The following NCOA5 variants were observed in gnomAD, a reference collection of about 807,000 sequenced individuals.
The protein encoded by NCOA5 is NCoA-5.
In NCOA5, 12 loss-of-function variants were observed where a neutral mutation model predicts 59.0. The observed-to-expected ratio is 0.20, with a 90% confidence interval of 0.13 to 0.33. The LOEUF is 0.33. Ranked by LOEUF, NCOA5 falls within the 10% of genes least tolerant of loss-of-function variation. The pLI is 1.00. For missense variants in NCOA5, 655 were observed against 766.6 expected, an observed-to-expected ratio of 0.85 and a Z score of 1.72; for synonymous variants, 270 against 275.5, an observed-to-expected ratio of 0.98 and a Z score of 0.20.
At chr20:46,088,752 T>C (rs967874561) in intron 1 of NCOA5, among the ~76,000 whole-genome samples, 3 of 152,196 alleles carry the variant, frequency 2.0e-5, no homozygotes, top group East Asian at 1.9e-4. Context: ...ATTCATAGAA[T>C]CTGCTTTGCC....
intron 1 of NCOA5, among the ~76,000 whole-genome samples, chr20:46,085,273 C>T (rs1388658483): frequency 6.6e-6 from 1 of 152,096 alleles, no homozygotes; most frequent in African/African-American, 2.4e-5. Context: ...GTGATCCTCC[C>T]ACCTCAGCCC....
intron 3 of NCOA5, among the ~76,000 whole-genome samples, chr20:46,069,082 G>T (rs931559459): frequency 6.6e-6 from 1 of 151,948 alleles, no homozygotes; most frequent in Non-Finnish European, 1.5e-5. Flanking sequence ...AAAGTGCTGG[G>T]ATTACAGGCG....
chr20:46,067,382 C>T lies in NCOA5; in HGVS notation c.503-201G>A, dbSNP rs576538581. Among the ~76,000 whole-genome samples the T allele has an allele frequency of 3.5e-4, 54 of 152,258 alleles. No homozygotes were observed. The South Asian group carries it at 0.011, about 30-fold the overall frequency. ...AAAGGACGTGGCCATTTTAATGCTG[C>T]ATCTGATACTTACTGCCAAGCTGCT... On this transcript the variant is annotated intron_variant, in intron 4 of 7. Transcript: ENST00000290231.
intron 2 of NCOA5, among the ~76,000 whole-genome samples, chr20:46,072,680 G>A (rs2145536959): frequency 6.6e-6 from 1 of 152,240 alleles, no homozygotes; most frequent in Middle Eastern, 3.4e-3. Context: ...TGAGTAGCAG[G>A]AAGAGATCTA....
At chr20:46,063,063 T>C (rs1042233283) in intron 7 of NCOA5, among the ~76,000 whole-genome samples, 174 bp from the exon 8 acceptor site, 2 of 152,178 alleles carry the variant, frequency 1.3e-5, no homozygotes, top group South Asian at 2.1e-4. Context: ...CAGAAAACAA[T>C]AGGCTAGTTC....
intron 2 of NCOA5, among the ~76,000 whole-genome samples, chr20:46,076,831 G>T (rs536855959): frequency 2.9e-4 from 44 of 152,202 alleles, no homozygotes; most frequent in Middle Eastern, 3.4e-3. Context: ...ACCACCAAAT[G>T]ACCTCATTTT....
intron 6 of NCOA5, 84 bp from the exon 7 acceptor site, chr20:46,063,764 C>T: frequency 1.5e-6 from 2 of 1,318,224 alleles, no homozygotes; most frequent in Non-Finnish European, 2.1e-6. Flanking sequence ...TCTTTCCTAA[C>T]CTCATACCAG....
At position 46,070,376 on chromosome 20, in the gene NCOA5, T is replaced by C; in HGVS notation, c.199A>G (p.Arg67Gly). ...PRDLRDHRHS[R>G]DLRDHRDSRS... ...CTGTCTCTGTGATCCCGCAAATCTC[T>C]ACTATGTCTGTGGTCCCGCAAGTCT... The change falls in exon 3 of 8, where the codon AGA (arginine) becomes GGA (glycine). Residue 67 changes from arginine to glycine, a missense_variant. Transcript: ENST00000290231. 2 of 1,613,780 alleles carry C rather than the reference T, an allele frequency of 1.2e-6. No individual in the cohort carries two copies. Among genetic ancestry groups the C allele is most frequent in the Non-Finnish European group, 1.7e-6 (2 of 1,179,976 alleles).
chr20:46,066,057 G>A (rs1405038702), intron 5 of NCOA5, among the ~76,000 whole-genome samples: 1 of 152,164 alleles, frequency 6.6e-6, no homozygotes, highest in Non-Finnish European at 1.5e-5. Context: ...ACAGCCAAGA[G>A]CCTGTGAACT....
intron 2 of NCOA5, among the ~76,000 whole-genome samples, chr20:46,074,049 A>T (rs1284577639): frequency 6.6e-6 from 1 of 152,242 alleles, no homozygotes; most frequent in Non-Finnish European, 1.5e-5. Context: ...CAAAGAAGAT[A>T]ATAATTTTCT....
rs141834620 is a variant in NCOA5 at position 46,080,584 on chromosome 20, TAG to T, written c.-29-1133_-29-1132del. On this transcript the variant is annotated intron_variant, in intron 1 of 7. Transcript: ENST00000290231. ...AAGACCACAGCAATAACAAGAAACT[TAG>T]AGGTCTGGTAGAGATTTTATGCTGC... 4.6e-3 allele frequency among the ~76,000 whole-genome samples: 700 copies of T among 152,212 alleles called. 7 individuals are homozygous for T. Among genetic ancestry groups the T allele is most frequent in the African/African-American group, 0.016 (649 of 41,532 alleles).
intron 1 of NCOA5, among the ~76,000 whole-genome samples, chr20:46,085,324 G>A (rs1165111055): frequency 6.6e-6 from 1 of 152,106 alleles, no homozygotes; most frequent in Non-Finnish European, 1.5e-5. Context: ...ACCATGCCTG[G>A]CCTGGAGTTC....
At chr20:46,070,098 C>T (rs1313288386) in intron 3 of NCOA5, 112 bp downstream of exon 3, 1 of 817,408 alleles carries the variant, frequency 1.2e-6, no homozygotes, top group African/African-American at 1.7e-5. Context: ...TTGACAGTCA[C>T]CAGAAATAAA....
At chr20:46,065,589 T>C (rs1242119496) in intron 5 of NCOA5, among the ~76,000 whole-genome samples, 2 of 152,228 alleles carry the variant, frequency 1.3e-5, no homozygotes, top group Non-Finnish European at 2.9e-5. Flanking sequence ...GCTAGAAACA[T>C]GGGTTTGGAT....
chr20:46,082,255 T>C (rs2084999897), intron 1 of NCOA5, among the ~76,000 whole-genome samples: 1 of 152,102 alleles, frequency 6.6e-6, no homozygotes, highest in African/African-American at 2.4e-5. Flanking sequence ...GTATCTAATC[T>C]ATAGTTTTAT....
At chr20:46,088,300 A>T (rs1160733256) in intron 1 of NCOA5, among the ~76,000 whole-genome samples, 2 of 152,222 alleles carry the variant, frequency 1.3e-5, no homozygotes, top group African/African-American at 2.4e-5. Context: ...TCTAAGTTTT[A>T]GGTTAAGAGA....
rs2084771204 is a variant in NCOA5, at chr20:46,062,068, T to C, written c.*232A>G. On this transcript the variant is annotated 3_prime_UTR_variant, in exon 8 of 8. Coordinates refer to ENST00000290231, the MANE Select transcript of NCOA5 (RefSeq NM_020967.3). ...CACCTGTACTGCCCCCGGAGATATTTATTTTCTACAAAACAAAAAACAAAA... is the reference window on the plus strand; with the variant it reads ...CACCTGTACTGCCCCCGGAGATATTCATTTTCTACAAAACAAAAAACAAAA... 4 of 437,202 alleles carry C rather than the reference T, an allele frequency of 9.1e-6. No homozygotes were observed. Among genetic ancestry groups the C allele is most frequent in the African/African-American group, 5.9e-5 (3 of 51,116 alleles). 27.1% of individuals were successfully genotyped at this position (437,202 alleles called of 1,614,324 possible).
chr20:46,075,645 G>A (rs1040996305), intron 2 of NCOA5, among the ~76,000 whole-genome samples: 2 of 152,084 alleles, frequency 1.3e-5, no homozygotes, highest in South Asian at 4.1e-4. Context: ...TGTACCTAGA[G>A]GCCACATCTG....
rs777204622 is a variant in NCOA5 at position 46,062,895 on chromosome 20, A to G, written c.1151-6T>C. The G allele has an allele frequency of 6.6e-7, 1 of 1,512,608 alleles. No homozygotes were observed. The allele number at this position is 1,512,608 out of a possible 1,614,324, so 93.7% of individuals were successfully genotyped here. ...TGGTTGGCGGGAAATCGGGCCTGGA[A>G]GACAGAAGAGGGAGGTATCTGGTTC... On this transcript the variant is annotated splice_region_variant and splice_polypyrimidine_tract_variant and intron_variant, in intron 7 of 7. Coordinates refer to ENST00000290231, the MANE Select transcript of NCOA5 (RefSeq NM_020967.3).
Sources: gnomAD v4.1 joint callset for allele counts (sites outside exome capture counted in the v4.1 genomes callset) on GRCh38, gnomAD v4.1.1 for gene constraint, MANE v1.5 for transcripts, NCBI Gene and HGNC (gene_info 2026-07-23, HGNC 2026-07-21) for gene names.